The following FLVCR1 variants were observed in gnomAD, a reference collection of about 807,000 sequenced individuals.
FLVCR1 encodes the protein FLVCR choline and heme transporter 1.
FLVCR1 carries 34 observed loss-of-function variants against 53.6 expected under a neutral mutation model. The ratio of observed to expected loss-of-function variants is 0.63; its 90% CI spans 0.48 to 0.84. FLVCR1 has a LOEUF of 0.84. Among genes scored for constraint, FLVCR1 ranks in the 40% least tolerant of loss-of-function variants. The probability of loss-of-function intolerance (pLI) is 0.00; values close to 1 mark genes in which losing one functional copy is unlikely to be tolerated. For missense variants in FLVCR1, 677 were observed against 696.7 expected (o/e 0.97, Z 0.32); for synonymous variants, 300 against 286.3 (o/e 1.05, Z -0.48).
rs1274790146 is a variant in FLVCR1, at chr1:212,888,548, C to G, written c.1367C>G (p.Pro456Arg). The change falls in exon 7 of 10, where the codon CCT (proline) becomes CGT (arginine). Residue 456 changes from proline to arginine, a missense_variant. By Grantham distance (103) the Pro-to-Arg change is moderately radical. Coordinates refer to ENST00000366971, the MANE Select transcript of FLVCR1 (RefSeq NM_014053.4). ...GAATTTGCTGTTGAAATCACTTACC[C>G]TGAATCTGAAGGTACTTCATCTGGT... The part of the protein sequence containing the change: ...GFEFAVEITY[P>R]ESEGTSSGLL... The G allele has an allele frequency of 6.2e-7, 1 of 1,613,752 alleles. No individual in the cohort carries two copies. The highest frequency in any genetic ancestry group is 1.3e-5 in the African/African-American group (1 of 74,926).
chr1:212,860,453 G>GCTGGGATT (rs1419669074), intron 1 of FLVCR1, among the ~76,000 whole-genome samples: 1 of 147,940 alleles, frequency 6.8e-6, no homozygotes, highest in Admixed American at 6.9e-5. Context: ...CTCCCGAAGT[G>GCTGGGATT]CTGGGATTAC....
At chr1:212,890,248 T>G (rs1665156657) in intron 8 of FLVCR1, among the ~76,000 whole-genome samples, 1 of 152,202 alleles carries the variant, frequency 6.6e-6, no homozygotes, top group Non-Finnish European at 1.5e-5. Flanking sequence ...TAAAATGTCA[T>G]CATTCCCTAA....
intron 3 of FLVCR1, among the ~76,000 whole-genome samples, chr1:212,880,948 A>C (rs1293916281): frequency 6.6e-6 from 1 of 152,234 alleles, no homozygotes; most frequent in African/African-American, 2.4e-5. Context: ...ACATCTCTGT[A>C]AATGCTTCCA....
At chr1:212,886,042 C>CTTTTTTTTTT (rs5780703) in intron 5 of FLVCR1, among the ~76,000 whole-genome samples, 15 of 121,096 alleles carry the variant, frequency 1.2e-4, no homozygotes, top group Admixed American at 3.9e-4. Flanking sequence ...TTATCTTGTT[C>CTTTTTTTTTT]TTTTTTTTTT....
chr1:212,874,148 C>T (rs150109206), intron 3 of FLVCR1, among the ~76,000 whole-genome samples: 2,168 of 152,262 alleles, frequency 0.014, 57 homozygotes, highest in African/African-American at 0.05. Flanking sequence ...GCTGGGATTA[C>T]AGGCCCCTGC....
At chr1:212,892,089 G>C (rs575291832) in intron 8 of FLVCR1, among the ~76,000 whole-genome samples, 107 of 152,350 alleles carry the variant, frequency 7.0e-4, no homozygotes, top group Non-Finnish European at 1.2e-3. Context: ...CAGTTCATGA[G>C]GTAAGGAAAG....
intron 9 of FLVCR1, 30 bp downstream of exon 9, chr1:212,895,083 G>A: frequency 7.1e-7 from 1 of 1,399,292 alleles, no homozygotes; most frequent in Non-Finnish European, 1.0e-6. Flanking sequence ...TTATACTGTT[G>A]AGAAGTATGT....
intron 3 of FLVCR1, 32 bp downstream of exon 3, chr1:212,872,850 CTG>C (rs760120495): frequency 1.9e-6 from 3 of 1,611,364 alleles, no homozygotes; most frequent in Non-Finnish European, 2.5e-6. Flanking sequence ...TCTTTAATGT[CTG>C]TGTGAGCCTT....
At chr1:212,859,435 G>T (rs1197220824) in intron 1 of FLVCR1, among the ~76,000 whole-genome samples, 1 of 152,062 alleles carries the variant, frequency 6.6e-6, no homozygotes, top group Non-Finnish European at 1.5e-5. Flanking sequence ...ATAATTAACT[G>T]GGCCGGGCGC....
rs974131231 is a variant in FLVCR1, at chr1:212,870,094, A to C, written c.884-2584A>C. ...AGGAAAAGACAACAGACATCCTAACAGTACAAGATCAGATAGAATGAAAGG... is the reference window on the plus strand; with the variant it reads ...AGGAAAAGACAACAGACATCCTAACCGTACAAGATCAGATAGAATGAAAGG... On this transcript the variant is annotated intron_variant, in intron 2 of 9. Transcript: ENST00000366971. 3 of 152,374 alleles carry C rather than the reference A, an allele frequency of 2.0e-5. No homozygotes were observed. In the South Asian group the frequency reaches 6.2e-4, roughly 32 times the overall value. The allele number at this position is 152,374 out of a possible 1,614,324, so 9.4% of individuals were successfully genotyped here. A position where few individuals can be genotyped will look rare whatever the true frequency, so the allele number is the denominator to read the frequency against.
chr1:212,883,504 G>A (rs912963443), intron 4 of FLVCR1, 66 bp downstream of exon 4: 32 of 822,808 alleles, frequency 3.9e-5, no homozygotes, highest in African/African-American at 1.0e-4. Context: ...TATAATTGTC[G>A]TTAGCAGGGT....
chr1:212,884,419 T>TAC (rs566842624), intron 4 of FLVCR1, among the ~76,000 whole-genome samples: 24 of 151,636 alleles, frequency 1.6e-4, no homozygotes, highest in Admixed American at 9.9e-4. Context: ...CAAAACAAAA[T>TAC]ACACACACAC....
At chr1:212,888,933 G>A (rs1665124341) in intron 7 of FLVCR1, among the ~76,000 whole-genome samples, 1 of 151,900 alleles carries the variant, frequency 6.6e-6, no homozygotes, top group South Asian at 2.1e-4. Flanking sequence ...CAAGCAATTC[G>A]CCTACCTCAA....
intron 3 of FLVCR1, among the ~76,000 whole-genome samples, chr1:212,875,367 G>T (rs1300494495): frequency 6.6e-6 from 1 of 152,232 alleles, no homozygotes; most frequent in Non-Finnish European, 1.5e-5. Flanking sequence ...ATGAAGGGAA[G>T]CCCTAGGGAT....
intron 1 of FLVCR1, among the ~76,000 whole-genome samples, chr1:212,863,325 C>T (rs1664302489): frequency 6.6e-6 from 1 of 152,198 alleles, no homozygotes; most frequent in Non-Finnish European, 1.5e-5. Context: ...GGTGCAGTGG[C>T]TCACGCCTGT....
intron 3 of FLVCR1, among the ~76,000 whole-genome samples, chr1:212,874,526 C>CTTTTT (rs61497441): frequency 7.4e-5 from 9 of 120,878 alleles, no homozygotes; most frequent in African/African-American, 1.9e-4. Flanking sequence ...TTCTTTTTTT[C>CTTTTT]TTTTTTTTTT....
At position 212,858,492 on chromosome 1, in the gene FLVCR1, C is replaced by A. The variant is rs111734301; in HGVS notation, c.40C>A (p.Pro14Thr). 6.9e-7 allele frequency: 1 copy of A among 1,445,420 alleles called. No homozygotes were observed. The highest frequency in any genetic ancestry group is 2.8e-5 in the Admixed American group (1 of 35,836). The allele number at this position is 1,445,420 out of a possible 1,614,324, so 89.5% of individuals were successfully genotyped here. ...PDDEEGAAVA[P>T]GHPLAKGYLP... ...CGATGAGGAGGGGGCGGCGGTGGCG[C>A]CCGGACACCCGCTCGCGAAAGGATA... Residue 14 changes from proline to threonine, a missense_variant, in exon 1 of 10, where the codon CCC becomes ACC. Pro to Thr is a conservative substitution (Grantham distance 38, BLOSUM62 -1). Coordinates refer to ENST00000366971, the MANE Select transcript of FLVCR1 (RefSeq NM_014053.4).
At chr1:212,888,215 G>T (rs1413549654) in intron 6 of FLVCR1, among the ~76,000 whole-genome samples, 2 of 152,126 alleles carry the variant, frequency 1.3e-5, no homozygotes, top group Non-Finnish European at 2.9e-5. Flanking sequence ...AAAAATGGAT[G>T]AGCCTTACTT....
intron 4 of FLVCR1, 62 bp from the exon 5 acceptor site, chr1:212,885,231 G>C: frequency 9.2e-7 from 1 of 1,089,456 alleles, no homozygotes; most frequent in Non-Finnish European, 1.4e-6. Flanking sequence ...GTGTGGGAAT[G>C]TGAAGAGTCT....
Sources: gnomAD v4.1 joint callset for allele counts (sites outside exome capture counted in the v4.1 genomes callset) on GRCh38, gnomAD v4.1.1 for gene constraint, MANE v1.5 for transcripts, NCBI Gene and HGNC (gene_info 2026-07-23, HGNC 2026-07-21) for gene names.